Variants in DYM observed in about 807,000 individuals in gnomAD.
DYM encodes the protein dyggve-Melchior-Clausen syndrome protein.
DYM carries 78 observed loss-of-function variants against 93.1 expected under a neutral mutation model. The observed-to-expected ratio is 0.84, with a 90% confidence interval of 0.70 to 1.01. DYM has a LOEUF of 1.01. Among genes scored for constraint, DYM ranks in the 50% least tolerant of loss-of-function variants. DYM has a pLI of 0.00. For missense variants in DYM, 789 were observed against 845.0 expected, an observed-to-expected ratio of 0.93 and a Z score of 0.82; for synonymous variants, 321 against 319.7, an observed-to-expected ratio of 1.00 and a Z score of -0.04.
intron 17 of DYM, among the ~76,000 whole-genome samples, chr18:49,044,944 C>T (rs1270872398): frequency 6.6e-6 from 1 of 152,050 alleles, no homozygotes; most frequent in Non-Finnish European, 1.5e-5. Flanking sequence ...GCAGCACTTG[C>T]GTTTTAGCAC....
intron 15 of DYM, among the ~76,000 whole-genome samples, chr18:49,119,211 C>T (rs2082164797): frequency 6.6e-6 from 1 of 152,118 alleles, no homozygotes; most frequent in African/African-American, 2.4e-5. Flanking sequence ...TTACTCAGCT[C>T]CTCATTTAAT....
At chr18:49,395,290 T>C (rs895488865) in intron 2 of DYM, among the ~76,000 whole-genome samples, 1 of 149,638 alleles carries the variant, frequency 6.7e-6, no homozygotes, top group Non-Finnish European at 1.5e-5. Flanking sequence ...AAAAAAAAAA[T>C]CCAATTTAAA....
At chr18:49,132,829 A>G (rs536861146) in intron 15 of DYM, among the ~76,000 whole-genome samples, 6 of 152,276 alleles carry the variant, frequency 3.9e-5, no homozygotes, top group African/African-American at 1.4e-4. Flanking sequence ...GAAAAAAGTC[A>G]TGATCATCTT....
At chr18:49,324,591 A>G (rs2062756449) in intron 8 of DYM, among the ~76,000 whole-genome samples, 1 of 152,210 alleles carries the variant, frequency 6.6e-6, no homozygotes, top group African/African-American at 2.4e-5. Flanking sequence ...TGGCATATTC[A>G]CTTTTGTCAG....
chr18:49,054,159 A>C (rs987349263), intron 17 of DYM, among the ~76,000 whole-genome samples: 18 of 152,252 alleles, frequency 1.2e-4, no homozygotes, highest in Admixed American at 1.1e-3. Flanking sequence ...AACAAAAAGA[A>C]GATAAGCACT....
intron 10 of DYM, among the ~76,000 whole-genome samples, chr18:49,276,664 G>A (rs991697866): frequency 2.0e-5 from 3 of 152,132 alleles, no homozygotes; most frequent in Admixed American, 6.6e-5. Context: ...GCAAAGAGAT[G>A]AGACCCAAAA....
chr18:49,066,863 G>A (rs373810740), intron 17 of DYM, among the ~76,000 whole-genome samples: 2 of 152,222 alleles, frequency 1.3e-5, no homozygotes, highest in South Asian at 2.1e-4. Context: ...ATAGCCTCCT[G>A]TACTTTGGCC....
chr18:49,322,166 T>C (rs1428099625), intron 8 of DYM, among the ~76,000 whole-genome samples: 3 of 152,124 alleles, frequency 2.0e-5, no homozygotes, highest in Non-Finnish European at 2.9e-5. Context: ...AACACTCCTT[T>C]GGCCTTATAA....
At chr18:49,426,057 C>A (rs1457298307) in intron 2 of DYM, among the ~76,000 whole-genome samples, 4 of 152,140 alleles carry the variant, frequency 2.6e-5, no homozygotes, top group Non-Finnish European at 5.9e-5. Context: ...TATATACCCA[C>A]AGGACCGTAA....
intron 10 of DYM, among the ~76,000 whole-genome samples, chr18:49,277,330 C>T (rs2094869992): frequency 6.6e-6 from 1 of 152,076 alleles, no homozygotes; most frequent in Non-Finnish European, 1.5e-5. Context: ...ACAAAAAGGA[C>T]AGAATCCTGC....
chr18:49,379,681 A>G lies in DYM; in HGVS notation c.271T>C (p.Ser91Pro), dbSNP rs139920124. 73 of 1,612,324 alleles carry G rather than the reference A, an allele frequency of 4.5e-5. No individual in the cohort carries two copies. The highest frequency in any genetic ancestry group is 6.0e-5 in the Non-Finnish European group (71 of 1,178,664). ...CCAGCTTACTTCTGACATTCTGCTG[A>G]AAGTTTTAGTTCTTTGGTTCTAGAA... ...FLSRTKELKL[S>P]AECQNHIFIW... Residue 91 changes from serine to proline, a missense_variant, in exon 4 of 18, where the codon TCA (serine) becomes CCA (proline). Ser to Pro is a moderately conservative substitution (Grantham distance 74). Transcript: ENST00000675505.
rs918648344 is a variant in DYM, at chr18:49,422,000, C to T, written c.140+8255G>A. 5.3e-5 allele frequency among the ~76,000 whole-genome samples: 8 copies of T among 152,240 alleles called. No individual in the cohort carries two copies. The South Asian group carries it at 1.7e-3, about 32-fold the overall frequency. On this transcript the variant is annotated intron_variant, in intron 2 of 17. Transcript: ENST00000675505. Reference sequence around the variant, plus strand: ...AACAAAGCCTCCAAGAAATATGGGGCTATGTGAAAAGACCAAATCTATGTC... The same window carrying T: ...AACAAAGCCTCCAAGAAATATGGGGTTATGTGAAAAGACCAAATCTATGTC...
intron 14 of DYM, among the ~76,000 whole-genome samples, chr18:49,187,960 CA>C (rs2090610502): frequency 6.6e-6 from 1 of 152,126 alleles, no homozygotes; most frequent in Admixed American, 6.5e-5. Flanking sequence ...AAGGCCACCT[CA>C]TCCTCTGAAA....
chr18:49,210,873 A>C (rs1212641258), intron 13 of DYM, among the ~76,000 whole-genome samples: 1 of 152,228 alleles, frequency 6.6e-6, no homozygotes, highest in Non-Finnish European at 1.5e-5. Flanking sequence ...GAGAAAAGGC[A>C]TACTCACTGG....
At chr18:49,320,812 C>T (rs2062419099) in intron 8 of DYM, among the ~76,000 whole-genome samples, 1 of 152,080 alleles carries the variant, frequency 6.6e-6, no homozygotes, top group Admixed American at 6.5e-5. Context: ...ATAACTCTTA[C>T]CGTTAGTCTT....
At chr18:49,275,740 T>C (rs2094834027) in intron 10 of DYM, among the ~76,000 whole-genome samples, 1 of 152,142 alleles carries the variant, frequency 6.6e-6, no homozygotes, top group African/African-American at 2.4e-5. Flanking sequence ...TTGCAATCAA[T>C]GAATATGTGT....
intron 12 of DYM, 28 bp from the exon 13 acceptor site, chr18:49,257,132 T>C: frequency 1.3e-6 from 2 of 1,528,164 alleles, no homozygotes; most frequent in Non-Finnish European, 1.8e-6. Flanking sequence ...GTGTAAAACA[T>C]ACAATCAAGT....
chr18:49,306,059 T>C (rs987353364), intron 8 of DYM, among the ~76,000 whole-genome samples: 1 of 152,164 alleles, frequency 6.6e-6, no homozygotes, highest in African/African-American at 2.4e-5. Flanking sequence ...GTAGATCAGA[T>C]ACAGCTGAAA....
chr18:49,441,311 A>AT (rs1568455304), intron 1 of DYM, among the ~76,000 whole-genome samples: 8 of 34,388 alleles, frequency 2.3e-4, no homozygotes, highest in East Asian at 1.8e-3. Context: ...ATATATAATT[A>AT]ATATATAATT....
Sources: gnomAD v4.1 joint callset for allele counts (sites outside exome capture counted in the v4.1 genomes callset) on GRCh38, gnomAD v4.1.1 for gene constraint, MANE v1.5 for transcripts, NCBI Gene and HGNC (gene_info 2026-07-23, HGNC 2026-07-21) for gene names.